ZFAT: variants seen among roughly 807,000 people sequenced by gnomAD.
ZFAT encodes the protein zinc finger protein ZFAT.
Under a neutral mutation model 117.7 loss-of-function variants are expected in ZFAT, and 64 were observed. The ratio of observed to expected loss-of-function variants is 0.54; its 90% CI spans 0.44 to 0.67. ZFAT has a LOEUF of 0.67. Ranked by LOEUF, ZFAT falls within the 30% of genes least tolerant of loss-of-function variation. The pLI is 0.00. For missense variants in ZFAT, 1,433 were observed against 1,584.5 expected, an observed-to-expected ratio of 0.90 and a Z score of 1.62; for synonymous variants, 679 against 615.0, an observed-to-expected ratio of 1.10 and a Z score of -1.54.
At chr8:134,705,108 CAT>C (rs1190373553) in intron 1 of ZFAT, among the ~76,000 whole-genome samples, 20 of 152,064 alleles carry the variant, frequency 1.3e-4, no homozygotes, top group Admixed American at 7.2e-4. Flanking sequence ...CACACACACA[CAT>C]ATATACAACA....
In ZFAT at chr8:134,638,421, G is replaced by A. The variant is rs188150540; in HGVS notation, c.197-709C>T. Among the ~76,000 whole-genome samples, 843 of 151,932 alleles carry A rather than the reference G, an allele frequency of 5.5e-3. 7 individuals carry two copies. The highest frequency in any genetic ancestry group is 0.016 in the African/African-American group (665 of 41,408). On this transcript the variant is annotated intron_variant, in intron 2 of 15. Transcript: ENST00000377838. ...AAGGTGGGAATTAAGAGGGGTGAGC[G>A]GGGGCCAGGCGCGGTGGCTCACGCC...
intron 3 of ZFAT, among the ~76,000 whole-genome samples, chr8:134,613,837 G>A (rs1828529358): frequency 6.6e-6 from 1 of 152,180 alleles, no homozygotes; most frequent in Admixed American, 6.5e-5. Flanking sequence ...CATCCACCCA[G>A]CAGCTAGGAG....
chr8:134,501,507 T>A (rs1437001400), intron 15 of ZFAT, among the ~76,000 whole-genome samples: 1 of 152,178 alleles, frequency 6.6e-6, no homozygotes, highest in Non-Finnish European at 1.5e-5. Flanking sequence ...ATTCCTTAGA[T>A]GAGCCACAAT....
At chr8:134,602,991 C>T in intron 5 of ZFAT, 58 bp from the exon 6 acceptor site, 1 of 1,541,004 alleles carries the variant, frequency 6.5e-7, no homozygotes, top group Non-Finnish European at 8.7e-7. Flanking sequence ...CTCATGAACT[C>T]TACATCCTTT....
At chr8:134,734,734 A>T in the ZFAT span, among the ~76,000 whole-genome samples, 1 of 152,142 alleles carries the variant, frequency 6.6e-6, no homozygotes, top group East Asian at 1.9e-4. Context: ...TCCTAACACC[A>T]TGTGTTCCGG....
At chr8:134,546,287 T>C (rs891858675) in intron 11 of ZFAT, among the ~76,000 whole-genome samples, 1 of 152,208 alleles carries the variant, frequency 6.6e-6, no homozygotes, top group African/African-American at 2.4e-5. Context: ...AGAGATGGTC[T>C]TGATCATGCA....
At chr8:134,565,283 C>G in intron 11 of ZFAT, 50 bp downstream of exon 11, 2 of 1,609,918 alleles carry the variant, frequency 1.2e-6, no homozygotes, top group Non-Finnish European at 1.7e-6. Flanking sequence ...CTTTGAAAAG[C>G]AACGCCTTTT....
chr8:134,524,584 G>A (rs543187219), intron 12 of ZFAT, among the ~76,000 whole-genome samples: 2 of 152,256 alleles, frequency 1.3e-5, no homozygotes, highest in South Asian at 4.1e-4. Flanking sequence ...TGGCACAACT[G>A]GGGGGTGCCC....
intron 1 of ZFAT, among the ~76,000 whole-genome samples, chr8:134,669,296 A>C (rs1169998835): frequency 6.6e-6 from 1 of 152,146 alleles, no homozygotes; most frequent in African/African-American, 2.4e-5. Context: ...AAGACAAACA[A>C]TTGTCAGATT....
At chr8:134,687,873 T>C (rs1427904832) in intron 1 of ZFAT, among the ~76,000 whole-genome samples, 3 of 152,172 alleles carry the variant, frequency 2.0e-5, no homozygotes, top group African/African-American at 4.8e-5. Flanking sequence ...TTAGTGTATT[T>C]CTGTTCCTCC....
the ZFAT span, among the ~76,000 whole-genome samples, chr8:134,728,729 T>G: frequency 6.6e-6 from 1 of 152,230 alleles, no homozygotes; most frequent in Non-Finnish European, 1.5e-5. Flanking sequence ...GAAGTTTGCA[T>G]TTCTGAGCAA....
At chr8:134,541,399 G>C (rs115387808) in intron 11 of ZFAT, among the ~76,000 whole-genome samples, 1,560 of 152,172 alleles carry the variant, frequency 0.01, 39 homozygotes, top group African/African-American at 0.036. Flanking sequence ...GCACTGCCTT[G>C]GGACTCTGCA....
the ZFAT span, among the ~76,000 whole-genome samples, chr8:134,756,807 T>G: frequency 6.6e-6 from 1 of 152,200 alleles, no homozygotes; most frequent in Admixed American, 6.5e-5. Flanking sequence ...TTGGGACGCC[T>G]GGAGTGAGAG....
At chr8:134,720,123 A>C in the ZFAT span, among the ~76,000 whole-genome samples, 3,929 of 152,354 alleles carry the variant, frequency 0.026, 171 homozygotes, top group African/African-American at 0.088. Context: ...GAGGACATGG[A>C]GAGAAAACCC....
At chr8:134,663,246 T>C (rs1200002004) in intron 1 of ZFAT, among the ~76,000 whole-genome samples, 1 of 152,164 alleles carries the variant, frequency 6.6e-6, no homozygotes, top group Admixed American at 6.5e-5. Flanking sequence ...AAACAAATTA[T>C]GATACAGCCA....
intron 5 of ZFAT, among the ~76,000 whole-genome samples, chr8:134,608,036 C>T (rs1271024179): frequency 1.3e-5 from 2 of 152,022 alleles, no homozygotes; most frequent in Admixed American, 6.5e-5. Flanking sequence ...CTGCATTGTC[C>T]GTAATAGTAA....
chr8:134,813,630 G>C, the ZFAT span, among the ~76,000 whole-genome samples: 1 of 152,070 alleles, frequency 6.6e-6, no homozygotes, highest in Non-Finnish European at 1.5e-5. Context: ...GGCCAGGCTG[G>C]TCTCCAACTC....
intron 3 of ZFAT, among the ~76,000 whole-genome samples, chr8:134,617,735 C>G (rs1041335285): frequency 6.6e-6 from 1 of 152,234 alleles, no homozygotes; most frequent in Non-Finnish European, 1.5e-5. Context: ...ATAAGCTGCG[C>G]TGCCCAACCC....
chr8:134,575,896 A>T (rs138387890), intron 10 of ZFAT, among the ~76,000 whole-genome samples: 126 of 152,380 alleles, frequency 8.3e-4, no homozygotes, highest in Non-Finnish European at 1.7e-3. Flanking sequence ...TAGCTACAGC[A>T]ATAAAAATAC....
Sources: gnomAD v4.1 joint callset for allele counts (sites outside exome capture counted in the v4.1 genomes callset) on GRCh38, gnomAD v4.1.1 for gene constraint, MANE v1.5 for transcripts, NCBI Gene and HGNC (gene_info 2026-07-23, HGNC 2026-07-21) for gene names.